The following TMEM135 variants were observed in gnomAD, a reference collection of about 807,000 sequenced individuals.
TMEM135 encodes transmembrane protein 135.
In TMEM135, 30 loss-of-function variants were observed where a neutral mutation model predicts 60.3. The observed-to-expected ratio is 0.50, with a 90% CI of 0.37 to 0.68. The LOEUF is 0.68. Ranked by LOEUF, TMEM135 falls within the 30% of genes least tolerant of loss-of-function variation. The probability of loss-of-function intolerance (pLI) is 0.00; values close to 1 mark genes in which losing one functional copy is unlikely to be tolerated. For synonymous variants in TMEM135, 190 were observed against 186.7 expected (o/e 1.02, Z -0.14); for missense variants, 468 against 548.8 (o/e 0.85, Z 1.47).
intron 5 of TMEM135, among the ~76,000 whole-genome samples, chr11:87,224,679 A>G (rs530923666): frequency 1.3e-5 from 2 of 152,080 alleles, no homozygotes; most frequent in Admixed American, 6.5e-5. Flanking sequence ...CTGAAAACAT[A>G]ATATTTTTTC....
At chr11:87,242,010 C>A (rs1231246200) in intron 6 of TMEM135, among the ~76,000 whole-genome samples, 1 of 151,610 alleles carries the variant, frequency 6.6e-6, no homozygotes, top group South Asian at 2.1e-4. Context: ...CTGCCCCCCA[C>A]CCCACAACAG....
chr11:87,044,472 C>G (rs1430011119), intron 1 of TMEM135, among the ~76,000 whole-genome samples: 2 of 152,098 alleles, frequency 1.3e-5, no homozygotes, highest in Non-Finnish European at 2.9e-5. Context: ...GAATATCTGT[C>G]TAGATTATCT....
intron 1 of TMEM135, among the ~76,000 whole-genome samples, chr11:87,066,431 T>C (rs954807572): frequency 5.3e-5 from 8 of 152,186 alleles, no homozygotes; most frequent in African/African-American, 1.9e-4. Context: ...GTCCTCAGTA[T>C]CTATATATCT....
At chr11:87,204,609 A>G (rs1940194734) in intron 5 of TMEM135, among the ~76,000 whole-genome samples, 1 of 152,238 alleles carries the variant, frequency 6.6e-6, no homozygotes, top group Non-Finnish European at 1.5e-5. Context: ...AAAGTAAGCT[A>G]GAGAAAAGAA....
intron 5 of TMEM135, among the ~76,000 whole-genome samples, chr11:87,229,495 G>A (rs919825129): frequency 6.6e-6 from 1 of 152,098 alleles, no homozygotes; most frequent in African/African-American, 2.4e-5. Context: ...CTAGTGTAAG[G>A]GAATAGCTAC....
chr11:87,189,758 G>GAAAAAAAAAAAA (rs796303818), intron 5 of TMEM135, among the ~76,000 whole-genome samples: 4 of 115,560 alleles, frequency 3.5e-5, no homozygotes, highest in Non-Finnish European at 5.5e-5. Context: ...CGTCTCCACA[G>GAAAAAAAAAAAA]AAAAAAAAAA....
intron 4 of TMEM135, among the ~76,000 whole-genome samples, chr11:87,113,951 T>C (rs1192514426): frequency 6.6e-6 from 1 of 152,094 alleles, no homozygotes; most frequent in African/African-American, 2.4e-5. Flanking sequence ...TGTTTGCTTT[T>C]ATTATTGCTA....
At chr11:87,102,730 A>ATATTTATATG (rs1565441807) in intron 4 of TMEM135, among the ~76,000 whole-genome samples, 3 of 109,742 alleles carry the variant, frequency 2.7e-5, no homozygotes, top group African/African-American at 8.4e-5. Flanking sequence ...ATATATATGT[A>ATATTTATATG]TATATATATG....
intron 4 of TMEM135, among the ~76,000 whole-genome samples, chr11:87,124,370 C>G (rs1024278398): frequency 6.6e-6 from 1 of 152,136 alleles, no homozygotes; most frequent in African/African-American, 2.4e-5. Flanking sequence ...TCCACCTTGC[C>G]TTTAACCTCA....
intron 1 of TMEM135, among the ~76,000 whole-genome samples, chr11:87,053,236 ACT>A (rs1275854318): frequency 1.1e-4 from 16 of 151,180 alleles, no homozygotes; most frequent in African/African-American, 2.9e-4. Flanking sequence ...ATAAAAGGTA[ACT>A]CTTGTGAGTT....
chr11:87,129,544 A>ATT (rs371919827), intron 4 of TMEM135, among the ~76,000 whole-genome samples: 20,536 of 125,558 alleles, frequency 0.16, 2,377 homozygotes, highest in Middle Eastern at 0.19. Context: ...TGCTTGGCCA[A>ATT]TTTTTTTTTT....
At chr11:87,109,228 C>T (rs1565444573) in intron 4 of TMEM135, among the ~76,000 whole-genome samples, 1 of 152,134 alleles carries the variant, frequency 6.6e-6, no homozygotes, top group Non-Finnish European at 1.5e-5. Context: ...TTATCTGCCG[C>T]TAAATACGTG....
At chr11:87,167,647 A>G (rs529307535) in intron 5 of TMEM135, among the ~76,000 whole-genome samples, 1 of 152,304 alleles carries the variant, frequency 6.6e-6, no homozygotes, top group East Asian at 1.9e-4. Context: ...CTTGCATCCC[A>G]GGGATGAAGC....
At chr11:87,236,543 C>G in intron 5 of TMEM135, 95 bp from the exon 6 acceptor site, 1 of 1,015,736 alleles carries the variant, frequency 9.8e-7, no homozygotes, top group Non-Finnish European at 1.6e-6. Flanking sequence ...TTTATTGTTT[C>G]AGGCACAAGA....
intron 5 of TMEM135, among the ~76,000 whole-genome samples, chr11:87,158,170 C>T (rs1185779255): frequency 6.6e-6 from 1 of 152,156 alleles, no homozygotes; most frequent in East Asian, 1.9e-4. Flanking sequence ...AAGCGATTAT[C>T]CTGCCTTTAC....
chr11:87,067,832 AT>A lies in TMEM135; in HGVS notation c.269+12del, dbSNP rs1483502278. Reference sequence around the variant, plus strand: ...CTTTTGCATTTTAAGGTTGGTACTCATAATCACCATAGATACTAATATAGGT... The same window carrying A: ...CTTTTGCATTTTAAGGTTGGTACTCAAATCACCATAGATACTAATATAGGT... On this transcript the variant is annotated intron_variant, in intron 2 of 14. Transcript: ENST00000305494. The A allele has an allele frequency of 6.2e-7, 1 of 1,613,204 alleles. No homozygotes were observed. The highest frequency in any genetic ancestry group is 8.5e-7 in the Non-Finnish European group (1 of 1,179,480).
chr11:87,046,018 C>T (rs1056464506), intron 1 of TMEM135, among the ~76,000 whole-genome samples: 11 of 152,244 alleles, frequency 7.2e-5, no homozygotes, highest in Non-Finnish European at 1.0e-4. Flanking sequence ...GGAGATTAGG[C>T]ACATATACTC....
At chr11:87,315,675 A>G (rs913680394) in intron 12 of TMEM135, among the ~76,000 whole-genome samples, 7 of 151,942 alleles carry the variant, frequency 4.6e-5, no homozygotes, top group Non-Finnish European at 2.9e-5. Context: ...TTCCTTTTCA[A>G]CTATTTGGTT....
At chr11:87,157,486 A>T in intron 5 of TMEM135, 80 bp downstream of exon 5, 1 of 1,230,248 alleles carries the variant, frequency 8.1e-7, no homozygotes, top group Non-Finnish European at 1.2e-6. Flanking sequence ...GATGAAATCT[A>T]TGATGCTTTG....
Sources: gnomAD v4.1 joint callset for allele counts (sites outside exome capture counted in the v4.1 genomes callset) on GRCh38, gnomAD v4.1.1 for gene constraint, MANE v1.5 for transcripts, NCBI Gene and HGNC (gene_info 2026-07-23, HGNC 2026-07-21) for gene names.